PCDH15: variants seen among roughly 807,000 people sequenced by gnomAD.
PCDH15 encodes the protein protocadherin related 15.
Under a neutral mutation model 178.5 loss-of-function variants are expected in PCDH15, and 129 were observed. The observed-to-expected ratio is 0.72, with a 90% CI of 0.63 to 0.84. The LOEUF is 0.84. Among genes scored for constraint, PCDH15 ranks in the 40% least tolerant of loss-of-function variants. The pLI is 0.00. For synonymous variants in PCDH15, 800 were observed against 732.0 expected, an observed-to-expected ratio of 1.09 and a Z score of -1.50; for missense variants, 2,230 against 2,099.9, an observed-to-expected ratio of 1.06 and a Z score of -1.21.
chr10:54,868,903 G>A (rs1307999700), intron 3 of PCDH15: 2 of 152,138 alleles, frequency 1.3e-5, no homozygotes, highest in African/African-American at 4.8e-5. Context: ...AATGTATGGT[G>A]AGTGTTCCCA....
At chr10:55,196,686 G>A (rs970743712) in intron 1 of PCDH15, among the ~76,000 whole-genome samples, 27 of 152,058 alleles carry the variant, frequency 1.8e-4, no homozygotes, top group African/African-American at 6.5e-4. Context: ...AATGGTAATC[G>A]CTTGGCACTT....
chr10:55,417,123 G>T (rs769164416), intron 2 of PCDH15, among the ~76,000 whole-genome samples: 1 of 151,760 alleles, frequency 6.6e-6, no homozygotes, highest in South Asian at 2.1e-4. Context: ...TTTGGAAATT[G>T]TATCATATTC....
At chr10:54,622,232 G>T (rs960443580) in intron 2 of PCDH15, among the ~76,000 whole-genome samples, 2 of 151,694 alleles carry the variant, frequency 1.3e-5, no homozygotes, top group South Asian at 2.1e-4. Flanking sequence ...GATGCTCTAT[G>T]TATCTACCGG....
intron 4 of PCDH15, among the ~76,000 whole-genome samples, chr10:54,377,842 G>T (rs1015028104): frequency 1.3e-5 from 2 of 152,016 alleles, no homozygotes; most frequent in African/African-American, 4.8e-5. Flanking sequence ...TGAGTACAAA[G>T]TTACTTTAGA....
chr10:55,009,265 T>TGTGC (rs1251523205), intron 2 of PCDH15, among the ~76,000 whole-genome samples: 2 of 151,836 alleles, frequency 1.3e-5, no homozygotes, highest in Non-Finnish European at 2.9e-5. Flanking sequence ...TGTGTGTGTG[T>TGTGC]GTGTGTGTTT....
intron 2 of PCDH15, among the ~76,000 whole-genome samples, chr10:55,515,114 G>A (rs1840982532): frequency 6.7e-6 from 1 of 149,882 alleles, no homozygotes; most frequent in South Asian, 2.1e-4. Context: ...TAAGCCTCCT[G>A]AGTAGCTGGG....
rs140090907 is a variant in PCDH15 at position 53,891,620 on chromosome 10, T to G, written c.3501+11623A>C. 8.4e-3 allele frequency among the ~76,000 whole-genome samples: 1,277 copies of G among 152,156 alleles called. 8 individuals are homozygous for G. Among genetic ancestry groups the G allele is most frequent in the Admixed American group, 0.014 (214 of 15,276 alleles). ...TTCATGTATCATGTCCAATGGCTCT[T>G]CAAATTCATAAAAAGTCCTTAAACT... is the stretch of plus-strand genomic sequence containing the variant. On this transcript the variant is annotated intron_variant, in intron 26 of 37. Coordinates refer to ENST00000644397, the MANE Select transcript of PCDH15 (RefSeq NM_001384140.1).
chr10:55,075,494 T>C (rs1841865885), intron 2 of PCDH15, among the ~76,000 whole-genome samples: 1 of 151,636 alleles, frequency 6.6e-6, no homozygotes, highest in Non-Finnish European at 1.5e-5. Context: ...GCTTCCCAAA[T>C]AGCTGGGATT....
chr10:53,984,561 CTT>C (rs1298674593), intron 21 of PCDH15, among the ~76,000 whole-genome samples: 1 of 152,124 alleles, frequency 6.6e-6, no homozygotes, highest in Admixed American at 6.5e-5. Flanking sequence ...AATAGAATCT[CTT>C]TAAATAATAT....
intron 2 of PCDH15, among the ~76,000 whole-genome samples, chr10:55,612,091 T>G (rs1843378938): frequency 6.6e-6 from 1 of 152,002 alleles, no homozygotes; most frequent in Non-Finnish European, 1.5e-5. Flanking sequence ...GAGAAATAAG[T>G]CCTAGTGATC....
At chr10:55,285,285 T>A (rs1232812620) in intron 1 of PCDH15, among the ~76,000 whole-genome samples, 1 of 151,026 alleles carries the variant, frequency 6.6e-6, no homozygotes, top group African/African-American at 2.4e-5. Context: ...AATCGATTTT[T>A]AAAAATGGTA....
At chr10:54,354,871 G>C (rs1323938147) in intron 5 of PCDH15, among the ~76,000 whole-genome samples, 1 of 151,928 alleles carries the variant, frequency 6.6e-6, no homozygotes, top group Non-Finnish European at 1.5e-5. Flanking sequence ...TAAATGGAAG[G>C]AGATGATATA....
chr10:54,671,491 T>C (rs184729715), intron 1 of PCDH15, among the ~76,000 whole-genome samples: 80 of 152,300 alleles, frequency 5.3e-4, no homozygotes, highest in Non-Finnish European at 9.8e-4. Context: ...ATTGCATTCC[T>C]AGTTATGTTG....
intron 3 of PCDH15, among the ~76,000 whole-genome samples, chr10:54,884,241 T>C (rs1954312423): frequency 1.3e-5 from 2 of 152,024 alleles, no homozygotes; most frequent in Admixed American, 6.6e-5. Flanking sequence ...GTTAGATAAG[T>C]AGTTTATATA....
chr10:54,238,367 T>A (rs1686392685), intron 8 of PCDH15, among the ~76,000 whole-genome samples: 1 of 152,078 alleles, frequency 6.6e-6, no homozygotes, highest in South Asian at 2.1e-4. Flanking sequence ...GATTTTATAT[T>A]GAAGTTATAA....
chr10:55,179,295 GA>G (rs1424880891), intron 1 of PCDH15, among the ~76,000 whole-genome samples: 2 of 152,070 alleles, frequency 1.3e-5, no homozygotes, highest in Non-Finnish European at 2.9e-5. Flanking sequence ...CACCTCTTCA[GA>G]GGGGGGATTG....
At position 55,353,082 on chromosome 10, in the gene PCDH15, T is replaced by C. The variant is rs11814508; in HGVS notation, c.-155-186431A>G. The stretch of plus-strand genomic sequence containing the variant: ...AATTGGGTTATGAAGTTTTGCCTCA[T>C]CTACCATATTCATCTGATGTCTGAC... On this transcript the variant is annotated intron_variant, in intron 2 of 5. Coordinates refer to the PCDH15 transcript ENST00000613346. Among the ~76,000 whole-genome samples the C allele has an allele frequency of 6.7e-3, 1,018 of 152,256 alleles. 5 individuals carry two copies. Among genetic ancestry groups the C allele is most frequent in the Non-Finnish European group, 0.011 (748 of 68,018 alleles).
intron 3 of PCDH15, among the ~76,000 whole-genome samples, chr10:54,517,353 G>A (rs1416570598): frequency 2.6e-5 from 4 of 152,064 alleles, no homozygotes; most frequent in Non-Finnish European, 4.4e-5. Context: ...TCAAAATAAA[G>A]GGATGGAGGA....
chr10:55,591,838 G>C (rs1253680921), intron 2 of PCDH15, among the ~76,000 whole-genome samples: 2 of 152,020 alleles, frequency 1.3e-5, no homozygotes, highest in African/African-American at 2.4e-5. Context: ...TTTATATGTT[G>C]ATTTATTTGA....
Sources: allele counts gnomAD v4.1 joint callset (sites outside exome capture counted in the v4.1 genomes callset), GRCh38; gene constraint gnomAD v4.1.1; transcripts MANE v1.5; gene names NCBI Gene and HGNC (gene_info 2026-07-23, HGNC 2026-07-21).